Variants in HMG20A observed in about 807,000 individuals in gnomAD.
The protein encoded by HMG20A is high mobility group 20A, also known as high mobility group protein 20A.
A neutral mutation model predicts 43.9 loss-of-function variants in HMG20A; 17 were observed. That is an observed-to-expected ratio of 0.39 (90% CI 0.27 to 0.58). The LOEUF (loss-of-function observed/expected upper bound fraction) is 0.58. Among genes scored for constraint, HMG20A ranks in the 20% least tolerant of loss-of-function variants. HMG20A has a pLI of 0.59. For synonymous variants in HMG20A, 132 were observed against 147.5 expected (o/e 0.89, Z 0.76); for missense variants, 341 against 438.2 (o/e 0.78, Z 1.98).
chr15:77,510,534 C>A, the HMG20A span, among the ~76,000 whole-genome samples: 1 of 152,220 alleles, frequency 6.6e-6, no homozygotes, highest in Non-Finnish European at 1.5e-5. Context: ...AGTTGAGTCT[C>A]CTCCAGTTTC....
intron 1 of HMG20A, among the ~76,000 whole-genome samples, chr15:77,451,603 C>T (rs551064513): frequency 4.6e-5 from 7 of 152,192 alleles, no homozygotes; most frequent in South Asian, 4.1e-4. Flanking sequence ...GATACAGGGC[C>T]GACTTTTTGT....
chr15:77,453,233 AAATAAT>A (rs558723624), intron 1 of HMG20A, among the ~76,000 whole-genome samples: 60 of 152,280 alleles, frequency 3.9e-4, no homozygotes, highest in African/African-American at 1.1e-3. Context: ...TCTATCTAAA[AAATAAT>A]AATAATAATA....
At chr15:77,463,592 GT>G (rs1280372274) in intron 2 of HMG20A, among the ~76,000 whole-genome samples, 1 of 152,102 alleles carries the variant, frequency 6.6e-6, no homozygotes, top group Non-Finnish European at 1.5e-5. Flanking sequence ...ACCTTCTTGT[GT>G]TCACTCTTCA....
chr15:77,458,088 C>T, intron 1 of HMG20A: 1 of 219,152 alleles, frequency 4.6e-6, no homozygotes, highest in Non-Finnish European at 9.1e-6. Context: ...TCTGAGTTAC[C>T]CTGCTTAACA....
rs34459644 is a variant in HMG20A at position 77,432,722 on chromosome 15, C to CAA, written c.-5+11736_-5+11737dup. On this transcript the variant is annotated intron_variant, in intron 1 of 9. Transcript: ENST00000336216. Reference sequence around the variant, plus strand: ...GGGCAACAAGAGCGAAACTCCGACTCAAAAAAAAAAAAAAAAAAAGACAAC... The same window carrying CAA: ...GGGCAACAAGAGCGAAACTCCGACTCAAAAAAAAAAAAAAAAAAAAAGACAAC... Among the ~76,000 whole-genome samples the CAA allele has an allele frequency of 1.6e-3, 122 of 77,594 alleles. 4 individuals carry two copies. Among genetic ancestry groups the CAA allele is most frequent in the Non-Finnish European group, 1.9e-3 (81 of 43,174 alleles). The allele number at this position is 77,594 out of a possible 152,430, so 50.9% of individuals were successfully genotyped here.
intron 1 of HMG20A, among the ~76,000 whole-genome samples, chr15:77,443,158 G>C (rs1230684068): frequency 1.3e-5 from 2 of 149,110 alleles, no homozygotes; most frequent in Non-Finnish European, 3.0e-5. Context: ...TCAGCCTCCA[G>C]AGTAGCTGGG....
chr15:77,451,521 T>C (rs2072602131), intron 1 of HMG20A, among the ~76,000 whole-genome samples: 1 of 152,168 alleles, frequency 6.6e-6, no homozygotes, highest in Non-Finnish European at 1.5e-5. Context: ...CTGTGTATCC[T>C]TGGGTTCTGC....
At chr15:77,422,147 A>G (rs2073367573) in intron 1 of HMG20A, among the ~76,000 whole-genome samples, 1 of 152,214 alleles carries the variant, frequency 6.6e-6, no homozygotes, top group Non-Finnish European at 1.5e-5. Flanking sequence ...GTATTGAAGG[A>G]ATCAATCTAT....
chr15:77,430,687 T>A (rs956311963), intron 1 of HMG20A, among the ~76,000 whole-genome samples: 3 of 152,184 alleles, frequency 2.0e-5, no homozygotes, highest in African/African-American at 7.2e-5. Flanking sequence ...TGGGTCAAGA[T>A]CCCTAGAGAA....
At chr15:77,430,333 C>T (rs2073471421) in intron 1 of HMG20A, among the ~76,000 whole-genome samples, 1 of 152,140 alleles carries the variant, frequency 6.6e-6, no homozygotes, top group African/African-American at 2.4e-5. Context: ...ATTCAGAGCC[C>T]AAGCTATGGT....
At chr15:77,428,962 CAA>C (rs36116258) in intron 1 of HMG20A, among the ~76,000 whole-genome samples, 16 of 107,072 alleles carry the variant, frequency 1.5e-4, no homozygotes, top group African/African-American at 1.9e-4. Context: ...GACTCTGTCT[CAA>C]AAAAAAAAAA....
the HMG20A span, among the ~76,000 whole-genome samples, chr15:77,495,856 G>T: frequency 3.3e-5 from 5 of 152,292 alleles, no homozygotes; most frequent in African/African-American, 1.2e-4. Flanking sequence ...TTGATCTGCA[G>T]TAGGAAATGC....
chr15:77,475,221 T>A (rs2072844755), intron 6 of HMG20A, among the ~76,000 whole-genome samples: 1 of 152,188 alleles, frequency 6.6e-6, no homozygotes, highest in Non-Finnish European at 1.5e-5. Flanking sequence ...TGCCGTGAAA[T>A]GTGCTCAGTA....
At chr15:77,511,215 G>A in the HMG20A span, among the ~76,000 whole-genome samples, 22 of 152,142 alleles carry the variant, frequency 1.4e-4, no homozygotes, top group African/African-American at 5.1e-4. Context: ...GGAAATAGAG[G>A]TATTGATGTG....
chr15:77,473,362 C>G (rs1435678273), intron 6 of HMG20A, among the ~76,000 whole-genome samples: 1 of 152,168 alleles, frequency 6.6e-6, no homozygotes, highest in Non-Finnish European at 1.5e-5. Flanking sequence ...AATTACTTCT[C>G]TCTTTCTTTG....
chr15:77,439,838 CCAGTAGCA>C (rs1265476338), intron 1 of HMG20A, among the ~76,000 whole-genome samples: 1 of 152,078 alleles, frequency 6.6e-6, no homozygotes, highest in Non-Finnish European at 1.5e-5. Context: ...ATTTAGATTC[CCAGTAGCA>C]CCGTCAGAGA....
chr15:77,458,470 G>A lies in HMG20A; in HGVS notation c.63G>A (p.Lys21=). 1 of 1,613,120 alleles carries A rather than the reference G, an allele frequency of 6.2e-7. No individual in the cohort carries two copies. The highest frequency in any genetic ancestry group is 8.5e-7 in the Non-Finnish European group (1 of 1,179,218). The change falls in exon 2 of 10, where the codon AAG becomes AAA. Residue 21 remains lysine, a synonymous_variant. Coordinates refer to ENST00000336216, the MANE Select transcript of HMG20A (RefSeq NM_001304504.2). ...TTTTTGCAGATGAAGACGGTTCCAA[G>A]GAGAGTAATGATCTGGCTACCACTG... ...PPLFADEDGS[K]ESNDLATTGL...
intron 1 of HMG20A, among the ~76,000 whole-genome samples, chr15:77,431,619 CAT>C (rs1894138333): frequency 2.0e-5 from 3 of 152,136 alleles, no homozygotes; most frequent in Non-Finnish European, 2.9e-5. Flanking sequence ...CGCTAATTAA[CAT>C]ATGTATTACC....
intron 1 of HMG20A, among the ~76,000 whole-genome samples, chr15:77,424,159 G>T (rs949893773): frequency 9.1e-4 from 138 of 152,222 alleles, no homozygotes; most frequent in African/African-American, 3.2e-3. Context: ...CCCTAAACTT[G>T]ATCTCTCCTG....
Sources: allele counts gnomAD v4.1 joint callset (sites outside exome capture counted in the v4.1 genomes callset), GRCh38; gene constraint gnomAD v4.1.1; transcripts MANE v1.5; gene names NCBI Gene and HGNC (gene_info 2026-07-23, HGNC 2026-07-21).